RPS6KA3: variants seen among roughly 807,000 people sequenced by gnomAD.
RPS6KA3 encodes ribosomal protein S6 kinase alpha-3.
A neutral mutation model predicts 67.2 loss-of-function variants in RPS6KA3; 4 were observed. That is an observed-to-expected ratio of 0.06 (90% confidence interval 0.03 to 0.14). The LOEUF (loss-of-function observed/expected upper bound fraction) is 0.14. Ranked by LOEUF, RPS6KA3 falls within the 10% of genes least tolerant of loss-of-function variation. The pLI is 1.00. For missense variants in RPS6KA3, 204 were observed against 559.0 expected (o/e 0.36, Z 6.40); for synonymous variants, 182 against 183.7 (o/e 0.99, Z 0.07).
intron 10 of RPS6KA3, among the ~76,000 whole-genome samples, chrX:20,178,956 T>C (rs1012478638): frequency 9.1e-6 from 1 of 110,145 alleles, no homozygotes; most frequent in African/African-American, 3.3e-5. Flanking sequence ...CCAAGGGTAA[T>C]AGAGAACAAT....
chrX:20,252,342 T>C (rs1206743157), intron 1 of RPS6KA3, among the ~76,000 whole-genome samples: 2 of 111,753 alleles, frequency 1.8e-5, no homozygotes. Context: ...ATTTTCCTGG[T>C]TTTTGGTATA....
At chrX:20,262,991 C>T (rs1221728249) in intron 1 of RPS6KA3, among the ~76,000 whole-genome samples, 1 of 111,028 alleles carries the variant, frequency 9.0e-6, no homozygotes, top group African/African-American at 3.3e-5. Context: ...TAATAAAATA[C>T]TTATATAGTT....
intron 4 of RPS6KA3, among the ~76,000 whole-genome samples, chrX:20,201,019 T>C (rs992232486): frequency 1.8e-5 from 2 of 111,899 alleles, no homozygotes; most frequent in African/African-American, 6.5e-5. Flanking sequence ...ATGTGATTTC[T>C]AACTTCTTGC....
chrX:20,155,339 T>C lies in RPS6KA3; in HGVS notation c.*59A>G. ...GTGTCTCTCAGATACGTGCTACCTGTCGCCAGAACTTGTGCTATCAGCTTA... is the reference window on the plus strand; with the variant it reads ...GTGTCTCTCAGATACGTGCTACCTGCCGCCAGAACTTGTGCTATCAGCTTA... On this transcript the variant is annotated 3_prime_UTR_variant, in exon 22 of 22. Coordinates refer to ENST00000379565, the MANE Select transcript of RPS6KA3 (RefSeq NM_004586.3). The C allele has an allele frequency of 8.4e-7, 1 of 1,191,033 alleles. No individual in the cohort carries two copies. The highest frequency in any genetic ancestry group is 1.1e-6 in the Non-Finnish European group (1 of 877,223).
In RPS6KA3 at chrX:20,266,900, G is replaced by A; in HGVS notation, c.-268C>T. On this transcript the variant is annotated 5_prime_UTR_variant, in exon 1 of 22. Transcript: ENST00000379565. ...GCGCCTCCGCTGGGCACCGGGTCTC[G>A]CCCCTTTCTTCCTCTCCTCCTTCCG... 1 of 582,035 alleles carries A rather than the reference G, an allele frequency of 1.7e-6. No individual in the cohort carries two copies. The highest frequency in any genetic ancestry group is 2.1e-6 in the Non-Finnish European group (1 of 481,580). 48.0% of individuals were successfully genotyped at this position (582,035 alleles called of 1,213,427 possible).
chrX:20,266,144 C>T (rs2070376427), intron 1 of RPS6KA3: 1 of 123,787 alleles, frequency 8.1e-6, no homozygotes, highest in Admixed American at 9.2e-5. Context: ...AGTCCCTGCT[C>T]CCCGGTGAAC....
At chrX:20,210,007 C>T (rs941625386) in intron 2 of RPS6KA3, among the ~76,000 whole-genome samples, 7 of 111,505 alleles carry the variant, frequency 6.3e-5, no homozygotes, top group Non-Finnish European at 1.1e-4. Flanking sequence ...AAAGGAGTAA[C>T]TCTAAAACAC....
chrX:20,188,484 A>AT lies in RPS6KA3; in HGVS notation c.631+12dup, dbSNP rs751517771. On this transcript the variant is annotated intron_variant, in intron 8 of 21. Coordinates refer to ENST00000379565, the MANE Select transcript of RPS6KA3 (RefSeq NM_004586.3). ...GAGAAAATATTTTAATAAAACGAGG[A>AT]TTTTTTTTTTACCTGTTAACTTGAT... 2.0e-3 allele frequency: 1,768 copies of AT among 884,359 alleles called. No homozygotes were observed. Among genetic ancestry groups the AT allele is most frequent in the Non-Finnish European group, 2.4e-3 (1,500 of 622,057 alleles). The allele number at this position is 884,359 out of a possible 1,213,427, so 72.9% of individuals were successfully genotyped here. A position where few individuals can be genotyped will look rare whatever the true frequency, so the allele number is the denominator to read the frequency against.
rs113439647 is a variant in RPS6KA3, at chrX:20,169,148, C to G, written c.1443+254G>C. 0.022 allele frequency among the ~76,000 whole-genome samples: 2,481 copies of G among 111,749 alleles called. 62 individuals are homozygous for G. The highest frequency in any genetic ancestry group is 0.076 in the African/African-American group (2,332 of 30,705). ...GATTACAGGTGTGAGCCACTGTGCT[C>G]GGCCTGGCTAATTAAAAAAAAATTT... is the stretch of plus-strand genomic sequence containing the variant. On this transcript the variant is annotated intron_variant, in intron 16 of 21. Coordinates refer to ENST00000379565, the MANE Select transcript of RPS6KA3 (RefSeq NM_004586.3).
At chrX:20,211,476 G>T (rs980034724) in intron 2 of RPS6KA3, among the ~76,000 whole-genome samples, 2 of 108,903 alleles carry the variant, frequency 1.8e-5, no homozygotes, top group Non-Finnish European at 3.8e-5. Context: ...CTTTGTAACC[G>T]GTCTGTTAGC....
At chrX:20,232,933 G>C (rs747739482) in intron 2 of RPS6KA3, among the ~76,000 whole-genome samples, 5 of 111,559 alleles carry the variant, frequency 4.5e-5, no homozygotes, top group Non-Finnish European at 9.4e-5. Flanking sequence ...TCAGGAGTTC[G>C]AGGCCAGCTT....
intron 1 of RPS6KA3, among the ~76,000 whole-genome samples, chrX:20,252,179 T>C (rs897435648): frequency 6.2e-4 from 70 of 112,187 alleles, no homozygotes; most frequent in Middle Eastern, 4.6e-3. Context: ...ATTTCTTTTC[T>C]GAGACTAATT....
intron 3 of RPS6KA3, among the ~76,000 whole-genome samples, chrX:20,207,024 G>A (rs2068589066): frequency 1.8e-5 from 2 of 111,971 alleles, no homozygotes; most frequent in South Asian, 7.4e-4. Flanking sequence ...TATCGTAAAA[G>A]CAAAGAGAGG....
chrX:20,166,713 CTTTT>C (rs774405280), intron 17 of RPS6KA3, among the ~76,000 whole-genome samples: 3 of 81,412 alleles, frequency 3.7e-5, no homozygotes, highest in Non-Finnish European at 6.9e-5. Flanking sequence ...GACTTCCCTT[CTTTT>C]TTTTTTTTTT....
intron 10 of RPS6KA3, among the ~76,000 whole-genome samples, chrX:20,180,176 T>C (rs1321269754): frequency 9.1e-6 from 1 of 110,417 alleles, no homozygotes; most frequent in Non-Finnish European, 1.9e-5. Context: ...CAAGTAATGA[T>C]TATTAATGGA....
chrX:20,215,287 A>T (rs960771645), intron 2 of RPS6KA3, among the ~76,000 whole-genome samples: 4 of 111,006 alleles, frequency 3.6e-5, no homozygotes, highest in Non-Finnish European at 7.5e-5. Context: ...CCCCCAAAAC[A>T]GATGCAATCA....
intron 2 of RPS6KA3, among the ~76,000 whole-genome samples, chrX:20,220,919 A>C (rs1336463285): frequency 8.9e-6 from 1 of 112,088 alleles, no homozygotes; most frequent in Non-Finnish European, 1.9e-5. Context: ...CATAAGGGAA[A>C]GTATTAATAC....
intron 2 of RPS6KA3, among the ~76,000 whole-genome samples, chrX:20,228,533 G>A (rs1488384802): frequency 1.8e-5 from 2 of 111,273 alleles, no homozygotes; most frequent in African/African-American, 3.3e-5. Context: ...AGGTGCCCAA[G>A]TATACAGCTT....
At chrX:20,184,397 C>CT (rs1176222205) in intron 10 of RPS6KA3, among the ~76,000 whole-genome samples, 1,250 of 86,408 alleles carry the variant, frequency 0.014, 9 homozygotes, top group Middle Eastern at 0.026. Flanking sequence ...CATTACTTTT[C>CT]TTTTTTTTTT....
Sources: allele counts gnomAD v4.1 joint callset (sites outside exome capture counted in the v4.1 genomes callset), GRCh38; gene constraint gnomAD v4.1.1; transcripts MANE v1.5; gene names NCBI Gene and HGNC (gene_info 2026-07-23, HGNC 2026-07-21).